RAPGEF6: variants seen among roughly 807,000 people sequenced by gnomAD.
The protein encoded by RAPGEF6 is Rap guanine nucleotide exchange factor 6, also known as PDZ domain containing guanine nucleotide exchange factor (GEF) 2.
RAPGEF6 carries 56 observed loss-of-function variants against 171.4 expected under a neutral mutation model. That is an observed-to-expected ratio of 0.33 (90% CI 0.26 to 0.41). RAPGEF6 has a LOEUF of 0.41. RAPGEF6 is among the 10% of genes least tolerant of loss of function. The pLI is 1.00. For synonymous variants in RAPGEF6, 692 were observed against 650.1 expected, an observed-to-expected ratio of 1.06 and a Z score of -0.98; for missense variants, 1,674 against 1,921.4, an observed-to-expected ratio of 0.87 and a Z score of 2.41.
chr5:131,491,390 G>T lies in RAPGEF6; in HGVS notation c.1731+1192C>A, dbSNP rs146676954. Among the ~76,000 whole-genome samples the T allele has an allele frequency of 3.5e-3, 532 of 152,206 alleles. 2 individuals are homozygous for T. Among genetic ancestry groups the T allele is most frequent in the African/African-American group, 0.01 (428 of 41,526 alleles). On this transcript the variant is annotated intron_variant, in intron 14 of 27. Transcript: ENST00000509018. ...ATAATTTTTAAAAAATGATAACATG[G>T]CTCCGTTAAAATAAAGCCACATTCT... is the stretch of plus-strand genomic sequence containing the variant.
At chr5:131,478,429 C>T (rs758007787) in intron 16 of RAPGEF6, among the ~76,000 whole-genome samples, 34 of 152,144 alleles carry the variant, frequency 2.2e-4, no homozygotes, top group Non-Finnish European at 3.8e-4. Flanking sequence ...AATCCCATGT[C>T]TTCTTATGGC....
Position 131,431,132 on chromosome 5 carries a change from C to T in RAPGEF6, c.4192G>A (p.Asp1398Asn). Reference protein sequence around the residue: ...LNSYRHTHLDDPIAEVEPTDS... With the variant: ...LNSYRHTHLDNPIAEVEPTDS... ...GTGGGTTCAACTTCAGCAATGGGGT[C>T]ATCCAAATGGGTATGTCTGTAAGAG... The change falls in exon 26 of 28, where the codon GAC becomes AAC. Residue 1398 changes from aspartate to asparagine, a missense_variant. By Grantham distance (23) the Asp-to-Asn change is conservative. Transcript: ENST00000509018. The T allele has an allele frequency of 6.2e-7, 1 of 1,614,164 alleles. No individual in the cohort carries two copies. The highest frequency in any genetic ancestry group is 8.5e-7 in the Non-Finnish European group (1 of 1,180,040).
At chr5:131,510,089 A>C (rs556383307) in intron 8 of RAPGEF6, among the ~76,000 whole-genome samples, 2 of 152,300 alleles carry the variant, frequency 1.3e-5, no homozygotes, top group South Asian at 4.2e-4. Flanking sequence ...CCCAGGGAAG[A>C]CCTGGATGGC....
intron 6 of RAPGEF6, among the ~76,000 whole-genome samples, chr5:131,525,141 G>A (rs1758791249): frequency 6.6e-6 from 1 of 152,070 alleles, no homozygotes. Context: ...AACAGAACAA[G>A]TAAAGATATA....
chr5:131,543,949 GAA>G (rs1157009039), intron 6 of RAPGEF6, among the ~76,000 whole-genome samples: 4 of 152,040 alleles, frequency 2.6e-5, no homozygotes, highest in Non-Finnish European at 4.4e-5. Flanking sequence ...ATAAGTACAT[GAA>G]AAGAGGCTCA....
intron 6 of RAPGEF6, among the ~76,000 whole-genome samples, chr5:131,524,927 T>C (rs1758780014): frequency 6.6e-6 from 1 of 152,190 alleles, no homozygotes; most frequent in Non-Finnish European, 1.5e-5. Context: ...AGGTGATGGA[T>C]ATATTAATTA....
chr5:131,612,867 T>C (rs775271515), intron 1 of RAPGEF6, among the ~76,000 whole-genome samples: 2 of 152,208 alleles, frequency 1.3e-5, no homozygotes, highest in Non-Finnish European at 2.9e-5. Context: ...GAGAAAGAAT[T>C]AGAAATTAAC....
chr5:131,511,548 G>C (rs1042202383), intron 7 of RAPGEF6, among the ~76,000 whole-genome samples: 2 of 147,850 alleles, frequency 1.4e-5, no homozygotes, highest in African/African-American at 5.0e-5. Flanking sequence ...GAGTGTAGTG[G>C]TGTGCACTGC....
chr5:131,538,176 T>C (rs999682775), intron 6 of RAPGEF6, among the ~76,000 whole-genome samples: 1 of 152,190 alleles, frequency 6.6e-6, no homozygotes, highest in African/African-American at 2.4e-5. Context: ...TACACTGCAT[T>C]TACACTGTAT....
At chr5:131,534,937 T>C (rs1580986604) in intron 6 of RAPGEF6, among the ~76,000 whole-genome samples, 1 of 151,878 alleles carries the variant, frequency 6.6e-6, no homozygotes, top group African/African-American at 2.4e-5. Context: ...TCCCCCTTTT[T>C]ATAAATCATG....
intron 24 of RAPGEF6, among the ~76,000 whole-genome samples, chr5:131,434,785 A>C (rs1455194068): frequency 6.6e-6 from 1 of 152,274 alleles, no homozygotes; most frequent in Non-Finnish European, 1.5e-5. Flanking sequence ...AATCTGCAAC[A>C]GAATGGCTAA....
intron 1 of RAPGEF6, among the ~76,000 whole-genome samples, chr5:131,632,291 G>C (rs1766364199): frequency 6.6e-6 from 1 of 151,988 alleles, no homozygotes; most frequent in South Asian, 2.1e-4. Flanking sequence ...ATCAAAACAT[G>C]CTCTCAACAT....
chr5:131,473,323 C>A (rs911991148), intron 16 of RAPGEF6, among the ~76,000 whole-genome samples: 1 of 152,104 alleles, frequency 6.6e-6, no homozygotes, highest in Non-Finnish European at 1.5e-5. Context: ...TCTAAGGGTA[C>A]ATTATTTCTT....
rs570763342 is a variant in RAPGEF6 at position 131,556,446 on chromosome 5, C to T, written c.351+5532G>A. ...GAAGAAGAAAAGACCACTAGTAACA[C>T]CAACAATGAGACAACTGGCTCCTAG... On this transcript the variant is annotated intron_variant, in intron 5 of 27. Coordinates refer to ENST00000509018, the MANE Select transcript of RAPGEF6 (RefSeq NM_016340.6). Among the ~76,000 whole-genome samples the T allele has an allele frequency of 1.8e-3, 277 of 152,090 alleles. 1 individual carries two copies. The highest frequency in any genetic ancestry group is 6.4e-3 in the African/African-American group (264 of 41,502).
intron 8 of RAPGEF6, among the ~76,000 whole-genome samples, chr5:131,509,244 T>A (rs1292906785): frequency 6.6e-6 from 1 of 152,160 alleles, no homozygotes; most frequent in Admixed American, 6.5e-5. Flanking sequence ...AAATTTATAA[T>A]GTTTTAAGAG....
intron 4 of RAPGEF6, among the ~76,000 whole-genome samples, 168 bp downstream of exon 4, chr5:131,592,215 T>C (rs1763634241): frequency 6.6e-6 from 1 of 152,170 alleles, no homozygotes; most frequent in Non-Finnish European, 1.5e-5. Context: ...GCTTACAGAT[T>C]ATACCCTCAG....
Position 131,545,451 on chromosome 5 carries a change from A to G in RAPGEF6, c.495+2596T>C, listed in dbSNP as rs559432594. 3.3e-5 allele frequency among the ~76,000 whole-genome samples: 5 copies of G among 152,322 alleles called. No homozygotes were observed. The South Asian group carries it at 8.3e-4, about 25-fold the overall frequency. On this transcript the variant is annotated intron_variant, in intron 6 of 27. Coordinates refer to ENST00000509018, the MANE Select transcript of RAPGEF6 (RefSeq NM_016340.6). ...TCAAATTTCCACTGCTGTCTAAAAG[A>G]AGAAATGATTCCTCCTGATCTTTTT...
At chr5:131,456,975 T>A (rs2149829082) in intron 19 of RAPGEF6, among the ~76,000 whole-genome samples, 1 of 152,326 alleles carries the variant, frequency 6.6e-6, no homozygotes, top group Non-Finnish European at 1.5e-5. Flanking sequence ...ACAAATAATG[T>A]CTGCAGCTGA....
chr5:131,528,778 G>C (rs1368849581), intron 6 of RAPGEF6, among the ~76,000 whole-genome samples: 7 of 152,094 alleles, frequency 4.6e-5, no homozygotes, highest in African/African-American at 1.7e-4. Flanking sequence ...GAGGAGTGTA[G>C]TAGGAGATAA....
Sources: allele counts gnomAD v4.1 joint callset (sites outside exome capture counted in the v4.1 genomes callset), GRCh38; gene constraint gnomAD v4.1.1; transcripts MANE v1.5; gene names NCBI Gene and HGNC (gene_info 2026-07-23, HGNC 2026-07-21).